AFF1: variants seen among roughly 807,000 people sequenced by gnomAD.
The protein encoded by AFF1 is AF4/FMR2 family member 1.
Under a neutral mutation model 121.7 loss-of-function variants are expected in AFF1, and 48 were observed. That is an observed-to-expected ratio of 0.39 (90% CI 0.31 to 0.50). AFF1 has a LOEUF of 0.50. Ranked by LOEUF, AFF1 falls within the 20% of genes least tolerant of loss-of-function variation. The pLI is 0.76. For missense variants in AFF1, 1,523 were observed against 1,511.7 expected, an observed-to-expected ratio of 1.01 and a Z score of -0.12; for synonymous variants, 613 against 563.0, an observed-to-expected ratio of 1.09 and a Z score of -1.26.
chr4:87,001,833 C>T (rs1725750745), intron 2 of AFF1, among the ~76,000 whole-genome samples: 2 of 152,212 alleles, frequency 1.3e-5, no homozygotes, highest in Admixed American at 1.3e-4. Flanking sequence ...TATCTCCTCC[C>T]TCTTCCTGTG....
chr4:87,090,101 A>G, intron 6 of AFF1, 31 bp downstream of exon 6: 1 of 1,554,204 alleles, frequency 6.4e-7, no homozygotes, highest in Non-Finnish European at 8.9e-7. Context: ...CAGGCATTGC[A>G]TCCACCTTAG....
At chr4:86,946,092 TG>T (rs1720838026) in intron 1 of AFF1, among the ~76,000 whole-genome samples, 2 of 152,106 alleles carry the variant, frequency 1.3e-5, no homozygotes, top group South Asian at 2.1e-4. Flanking sequence ...CGGTGAGACC[TG>T]GGGGGTTGCT....
chr4:87,115,324 C>T, intron 12 of AFF1, 25 bp downstream of exon 12: 18 of 1,539,956 alleles, frequency 1.2e-5, no homozygotes, highest in Non-Finnish European at 1.6e-5. Context: ...ACTGCCCTGA[C>T]TCCAGCGTGG....
chr4:86,936,658 G>A (rs10025948), intron 1 of AFF1, among the ~76,000 whole-genome samples: 3,793 of 152,244 alleles, frequency 0.025, 86 homozygotes, highest in African/African-American at 0.058. Context: ...TATTTCCTTA[G>A]CTCGCCTTTC....
chr4:87,135,948 A>G lies in AFF1; in HGVS notation c.*247A>G, dbSNP rs1263179259. The stretch of plus-strand genomic sequence containing the variant: ...ATCTTGCCCTTCCTAACTAAAGGAC[A>G]GAAGTGCAATTTAGCTTAAATGGGT... On this transcript the variant is annotated 3_prime_UTR_variant, in exon 21 of 21. Transcript: ENST00000395146. 2 of 469,994 alleles carry G rather than the reference A, an allele frequency of 4.3e-6. No individual in the cohort carries two copies. The highest frequency in any genetic ancestry group is 8.2e-5 in the South Asian group (1 of 12,240). The allele number at this position is 469,994 out of a possible 1,614,324, so 29.1% of individuals were successfully genotyped here.
At chr4:87,067,589 G>C (rs1295314148) in intron 4 of AFF1, among the ~76,000 whole-genome samples, 1 of 152,202 alleles carries the variant, frequency 6.6e-6, no homozygotes, top group Non-Finnish European at 1.5e-5. Flanking sequence ...TAAATGCACA[G>C]AGTCAGGGGC....
intron 4 of AFF1, chr4:87,047,839 T>C (rs948452304): frequency 1.7e-6 from 1 of 605,826 alleles, no homozygotes; most frequent in Non-Finnish European, 3.0e-6. Flanking sequence ...AGCCAAAATT[T>C]ATATACAGTA....
chr4:87,058,743 TC>T (rs1160779406), intron 4 of AFF1, among the ~76,000 whole-genome samples: 1 of 152,134 alleles, frequency 6.6e-6, no homozygotes, highest in Non-Finnish European at 1.5e-5. Flanking sequence ...ACTTTCTTGT[TC>T]CCTCCACAGC....
intron 4 of AFF1, among the ~76,000 whole-genome samples, chr4:87,056,831 C>G (rs932997663): frequency 6.6e-6 from 1 of 152,198 alleles, no homozygotes; most frequent in African/African-American, 2.4e-5. Context: ...CCCTTGTTCA[C>G]TTTATGATGA....
rs183314282 is a variant in AFF1 at position 87,111,605 on chromosome 4, C to T, written c.1534-2762C>T. On this transcript the variant is annotated intron_variant, in intron 11 of 20. Coordinates refer to ENST00000395146, the MANE Select transcript of AFF1 (RefSeq NM_001166693.3). ...CTGACCTCAAGTGATCCACCCACCT[C>T]GGCCTCCCAAAGTGCTGGGATTACA... Among the ~76,000 whole-genome samples the T allele has an allele frequency of 2.4e-3, 372 of 152,258 alleles. 3 individuals are homozygous for T. Among genetic ancestry groups the T allele is most frequent in the African/African-American group, 8.5e-3 (355 of 41,556 alleles).
intron 11 of AFF1, among the ~76,000 whole-genome samples, chr4:87,110,441 T>G (rs922321265): frequency 6.9e-6 from 1 of 143,930 alleles, no homozygotes; most frequent in African/African-American, 2.6e-5. Context: ...TGTTCTGGTT[T>G]TTTTGTTTTG....
intron 12 of AFF1, among the ~76,000 whole-genome samples, chr4:87,120,917 C>T (rs769832053): frequency 3.3e-5 from 5 of 152,092 alleles, no homozygotes; most frequent in African/African-American, 4.8e-5. Flanking sequence ...CGCAGCCTGC[C>T]GAGAGGCTTT....
intron 5 of AFF1, among the ~76,000 whole-genome samples, chr4:87,085,788 G>A (rs986291260): frequency 2.7e-5 from 4 of 146,686 alleles, no homozygotes; most frequent in African/African-American, 5.1e-5. Context: ...TCTCTCTGTC[G>A]CTCAGGCTGG....
At chr4:86,961,107 T>C (rs1032685289) in intron 2 of AFF1, among the ~76,000 whole-genome samples, 3 of 152,118 alleles carry the variant, frequency 2.0e-5, no homozygotes, top group African/African-American at 7.2e-5. Flanking sequence ...TCCCCTTTGA[T>C]ATCAGAATGG....
chr4:87,047,173 C>G lies in AFF1; in HGVS notation c.638C>G (p.Ser213Cys), dbSNP rs770830558. 7.4e-6 allele frequency: 12 copies of G among 1,614,042 alleles called. No individual in the cohort carries two copies. In the Admixed American group the frequency reaches 1.5e-4, roughly 20 times the overall value. The stretch of plus-strand genomic sequence containing the variant: ...CTTTCTCCCTTAATCTCTTTGCCTT[C>G]CCCAGTTCCCCCTTTGTCACCTATA... ...RELSPLISLPSPVPPLSPIHS... is the reference protein window; with the variant it reads ...RELSPLISLPCPVPPLSPIHS... The change falls in exon 4 of 21, where the codon TCC (serine) becomes TGC (cysteine). Residue 213 changes from serine (S) to cysteine (C), a missense_variant. Transcript: ENST00000395146.
At position 86,941,852 on chromosome 4, in the gene AFF1, C is replaced by CA. The variant is rs141702547; in HGVS notation, c.-37+6617dup. On this transcript the variant is annotated intron_variant, in intron 1 of 20. Coordinates refer to ENST00000395146, the MANE Select transcript of AFF1 (RefSeq NM_001166693.3). ...CTGTCTCGAAAAAGATAATCTGAAACAAAAAGACAATTGATGCCTCTGCTT... is the reference window on the plus strand; with the variant it reads ...CTGTCTCGAAAAAGATAATCTGAAACAAAAAAGACAATTGATGCCTCTGCTT... 2.6e-5 allele frequency among the ~76,000 whole-genome samples: 4 copies of CA among 151,642 alleles called. No homozygotes were observed. The South Asian group carries it at 8.3e-4, about 32-fold the overall frequency.
In AFF1 at chr4:87,090,078, C is replaced by T. The variant is rs187382575; in HGVS notation, c.1191+8C>T. On this transcript the variant is annotated splice_region_variant and intron_variant, in intron 6 of 20. Coordinates refer to ENST00000395146, the MANE Select transcript of AFF1 (RefSeq NM_001166693.3). ...TTTCCTTTCCCTACAAAGGTAATTCCTTAAAAGTATGGCAGGCATTGCATC... is the reference window on the plus strand; with the variant it reads ...TTTCCTTTCCCTACAAAGGTAATTCTTTAAAAGTATGGCAGGCATTGCATC... 10,842 of 1,609,084 alleles carry T rather than the reference C, an allele frequency of 6.7e-3. 42 individuals carry two copies. Among genetic ancestry groups the T allele is most frequent in the Non-Finnish European group, 8.2e-3 (9,626 of 1,175,606 alleles).
At chr4:87,012,822 G>T (rs1726913897) in intron 2 of AFF1, among the ~76,000 whole-genome samples, 1 of 152,098 alleles carries the variant, frequency 6.6e-6, no homozygotes, top group South Asian at 2.1e-4. Context: ...GACTTTCTGT[G>T]TCTTGGCAGT....
chr4:87,063,470 C>T (rs1261582514), intron 4 of AFF1, among the ~76,000 whole-genome samples: 1 of 151,964 alleles, frequency 6.6e-6, no homozygotes, highest in Non-Finnish European at 1.5e-5. Context: ...AACTCCCAGC[C>T]TCAGGTGATC....
Sources: gnomAD v4.1 joint callset for allele counts (sites outside exome capture counted in the v4.1 genomes callset) on GRCh38, gnomAD v4.1.1 for gene constraint, MANE v1.5 for transcripts, NCBI Gene and HGNC (gene_info 2026-07-23, HGNC 2026-07-21) for gene names.